PIAS2: variants seen among roughly 807,000 people sequenced by gnomAD.
The protein encoded by PIAS2 is E3 SUMO-protein ligase PIAS2.
In PIAS2, 19 loss-of-function variants were observed where a neutral mutation model predicts 69.7. The ratio of observed to expected loss-of-function variants is 0.27; its 90% CI spans 0.19 to 0.40. PIAS2 has a LOEUF of 0.40. Among genes scored for constraint, PIAS2 ranks in the 10% least tolerant of loss-of-function variants. The pLI is 1.00. For synonymous variants in PIAS2, 261 were observed against 263.2 expected, an observed-to-expected ratio of 0.99 and a Z score of 0.08; for missense variants, 624 against 757.0, an observed-to-expected ratio of 0.82 and a Z score of 2.06.
intron 8 of PIAS2, 149 bp from the exon 9 acceptor site, chr18:46,836,666 T>C (rs574201685): frequency 1.6e-4 from 92 of 580,840 alleles, no homozygotes; most frequent in African/African-American, 1.6e-3. Flanking sequence ...CCCAAGAAGA[T>C]TACAATATAT....
At chr18:46,909,686 T>C (rs1216279405) in intron 1 of PIAS2, among the ~76,000 whole-genome samples, 1 of 152,204 alleles carries the variant, frequency 6.6e-6, no homozygotes, top group Non-Finnish European at 1.5e-5. Flanking sequence ...TATTGGTGAA[T>C]ATGCACACAT....
Position 46,903,736 on chromosome 18 carries a change from C to T in PIAS2, c.25-12682G>A, listed in dbSNP as rs538825063. 5.9e-5 allele frequency: 9 copies of T among 152,136 alleles called. No homozygotes were observed. In the South Asian group the frequency reaches 1.2e-3, roughly 21 times the overall value. 9.4% of individuals were successfully genotyped at this position (152,136 alleles called of 1,614,324 possible). ...CATTTATCTCCGAGAAAGATGTGTG[C>T]GTAAGTTTACCAAAAAAACCTATGC... On this transcript the variant is annotated intron_variant, in intron 1 of 13. Coordinates refer to ENST00000585916, the MANE Select transcript of PIAS2 (RefSeq NM_004671.5).
chr18:46,919,209 A>G (rs113153668), upstream of PIAS2, among the ~76,000 whole-genome samples: 555 of 152,000 alleles, frequency 3.7e-3, 3 homozygotes, highest in African/African-American at 0.012. Flanking sequence ...AAATTAGGCC[A>G]GGAGCTGTGG....
intron 1 of PIAS2, among the ~76,000 whole-genome samples, chr18:46,914,146 A>G (rs776738963): frequency 3.9e-5 from 6 of 152,246 alleles, no homozygotes; most frequent in Non-Finnish European, 5.9e-5. Flanking sequence ...TAAATTGAGT[A>G]ATTTCTTCTC....
intron 7 of PIAS2, 26 bp from the exon 8 acceptor site, chr18:46,844,153 AT>A: frequency 1.6e-6 from 2 of 1,246,410 alleles, no homozygotes; most frequent in Non-Finnish European, 2.2e-6. Context: ...AAAAAAAAAA[AT>A]TTAAAAAAAT....
Position 46,808,077 on chromosome 18 carries a change from C to G in PIAS2, c.*4356G>C, listed in dbSNP as rs1287575063. The G allele has an allele frequency of 1.3e-5, 2 of 152,160 alleles. No individual in the cohort carries two copies. The highest frequency in any genetic ancestry group is 2.9e-5 in the Non-Finnish European group (2 of 68,016). The allele number at this position is 152,160 out of a possible 1,614,324, so 9.4% of individuals were successfully genotyped here. ...TAAGTAAAGGTTATATGAAACATGG[C>G]ACATCCATAACAATGGAGTACCATA... On this transcript the variant is annotated 3_prime_UTR_variant, in exon 14 of 14. Transcript: ENST00000585916.
At chr18:46,824,138 T>C (rs768859614) in intron 11 of PIAS2, among the ~76,000 whole-genome samples, 28 of 152,216 alleles carry the variant, frequency 1.8e-4, no homozygotes, top group Non-Finnish European at 3.7e-4. Context: ...CAAAAGTGAA[T>C]TGCTAGAATG....
At chr18:46,832,007 C>G (rs896648078) in intron 9 of PIAS2, among the ~76,000 whole-genome samples, 1 of 152,152 alleles carries the variant, frequency 6.6e-6, no homozygotes, top group Non-Finnish European at 1.5e-5. Flanking sequence ...TGTTAAAAGA[C>G]TGAAAAGATA....
intron 2 of PIAS2, among the ~76,000 whole-genome samples, chr18:46,881,336 T>C (rs1159252556): frequency 6.6e-6 from 1 of 152,232 alleles, no homozygotes; most frequent in Non-Finnish European, 1.5e-5. Context: ...TTCTATTTTA[T>C]TCTGATTAAA....
chr18:46,858,654 G>C (rs749553026), intron 3 of PIAS2, among the ~76,000 whole-genome samples: 1 of 152,146 alleles, frequency 6.6e-6, no homozygotes, highest in African/African-American at 2.4e-5. Context: ...CCTTGATTGC[G>C]GCACTGTACT....
intron 10 of PIAS2, among the ~76,000 whole-genome samples, chr18:46,828,694 A>G (rs1027979435): frequency 6.6e-6 from 1 of 152,226 alleles, no homozygotes; most frequent in African/African-American, 2.4e-5. Context: ...CTCTCAATTA[A>G]GTTACTAAGA....
At chr18:46,887,565 C>T (rs553740821) in intron 2 of PIAS2, among the ~76,000 whole-genome samples, 1 of 152,250 alleles carries the variant, frequency 6.6e-6, no homozygotes, top group African/African-American at 2.4e-5. Context: ...AGAATTATAA[C>T]ACAGCAATGC....
chr18:46,882,994 C>T (rs760470323), intron 2 of PIAS2, among the ~76,000 whole-genome samples: 3 of 149,570 alleles, frequency 2.0e-5, no homozygotes, highest in Non-Finnish European at 4.4e-5. Flanking sequence ...GGGGAGGCTG[C>T]GGCAGGAAAA....
At chr18:46,855,997 G>GT (rs1171297653) in intron 3 of PIAS2, among the ~76,000 whole-genome samples, 18,514 of 67,910 alleles carry the variant, frequency 0.27, 5,945 homozygotes, top group African/African-American at 0.33. Flanking sequence ...TTTTTCTTTT[G>GT]TTTTTTTTTT....
At chr18:46,849,991 C>T (rs2046726921) in intron 5 of PIAS2, among the ~76,000 whole-genome samples, 1 of 152,160 alleles carries the variant, frequency 6.6e-6, no homozygotes. Flanking sequence ...TACAACCCCA[C>T]AAAAATAATC....
chr18:46,890,377 GAGA>G (rs1215047746), intron 2 of PIAS2, among the ~76,000 whole-genome samples, 200 bp downstream of exon 2: 1 of 152,308 alleles, frequency 6.6e-6, no homozygotes, highest in East Asian at 1.9e-4. Context: ...AAAAGAATTG[GAGA>G]AGAAGAAAGA....
chr18:46,892,626 G>A (rs1249058656), intron 1 of PIAS2, among the ~76,000 whole-genome samples: 7 of 151,678 alleles, frequency 4.6e-5, no homozygotes, highest in South Asian at 4.2e-4. Flanking sequence ...TTAAAAATTA[G>A]CCAGCCATGG....
rs192050078 is a variant in PIAS2 at position 46,908,656 on chromosome 18, T to C, written c.24+8666A>G. On this transcript the variant is annotated intron_variant, in intron 1 of 13. Transcript: ENST00000585916. ...TCTTCAACAAGATTCAAAAGCACTA[T>C]CCATAAAGAAAAGCCTGATAAATGC... Among the ~76,000 whole-genome samples the C allele has an allele frequency of 1.9e-3, 290 of 152,126 alleles. 1 individual carries two copies. The highest frequency in any genetic ancestry group is 7.3e-3 in the East Asian group (38 of 5,182).
intron 2 of PIAS2, 62 bp from the exon 3 acceptor site, chr18:46,864,310 T>C: frequency 3.7e-6 from 4 of 1,087,444 alleles, no homozygotes; most frequent in Non-Finnish European, 2.7e-6. Flanking sequence ...TACAACCACC[T>C]GCAATAACCA....
Sources: gnomAD v4.1 joint callset for allele counts (sites outside exome capture counted in the v4.1 genomes callset) on GRCh38, gnomAD v4.1.1 for gene constraint, MANE v1.5 for transcripts, NCBI Gene and HGNC (gene_info 2026-07-23, HGNC 2026-07-21) for gene names.